Variants in RASAL1 observed in about 807,000 individuals in gnomAD.
RASAL1 encodes RAS protein activator like 1.
A neutral mutation model predicts 96.6 loss-of-function variants in RASAL1; 72 were observed. The observed-to-expected ratio is 0.75, with a 90% confidence interval of 0.62 to 0.91. The LOEUF (loss-of-function observed/expected upper bound fraction) is 0.91. RASAL1 is among the 40% of genes least tolerant of loss of function. The pLI, the probability that RASAL1 is intolerant of heterozygous loss-of-function variation, is 0.00. For synonymous variants in RASAL1, 405 were observed against 430.4 expected, an observed-to-expected ratio of 0.94 and a Z score of 0.73; for missense variants, 1,016 against 1,072.5, an observed-to-expected ratio of 0.95 and a Z score of 0.74.
Position 113,135,366 on chromosome 12 carries a change from C to T in RASAL1, c.65+32G>A. ...CGGCCCCACCCCAGGCCTTGCGCGCCCCTCACCCAGAAGCGCCCGAGGAGT... is the reference window on the plus strand; with the variant it reads ...CGGCCCCACCCCAGGCCTTGCGCGCTCCTCACCCAGAAGCGCCCGAGGAGT... On this transcript the variant is annotated intron_variant, in intron 1 of 20. Coordinates refer to ENST00000548055, the MANE Select transcript of RASAL1 (RefSeq NM_001301202.2). The surrounding 1 kb of genome is among the most constrained non-coding windows in gnomAD (Gnocchi z 5.7). 3 of 1,593,378 alleles carry T rather than the reference C, an allele frequency of 1.9e-6. No homozygotes were observed. The highest frequency in any genetic ancestry group is 1.7e-6 in the Non-Finnish European group (2 of 1,170,524).
chr12:113,127,516 G>C (rs1033595005), intron 4 of RASAL1, among the ~76,000 whole-genome samples: 3 of 152,060 alleles, frequency 2.0e-5, no homozygotes, highest in African/African-American at 4.8e-5. Context: ...TGGGTGTGGT[G>C]GTGTGCACCT....
At position 113,119,248 on chromosome 12, in the gene RASAL1, C is replaced by T; in HGVS notation, c.522G>A (p.Lys174=). 6.2e-7 allele frequency: 1 copy of T among 1,613,304 alleles called. No homozygotes were observed. The highest frequency in any genetic ancestry group is 8.5e-7 in the Non-Finnish European group (1 of 1,179,328). Residue 174 remains lysine, a synonymous_variant, in exon 7 of 21, where the codon AAG becomes AAA. Coordinates refer to ENST00000548055, the MANE Select transcript of RASAL1 (RefSeq NM_001301202.2). The part of the protein sequence containing the change: ...SQSLETSTIK[K]TRFPHWDEVL... ...CTTCATCCCAGTGCGGGAAGCGAGTCTTCTTGATGGTCTGAGGGCGAAGGA... is the reference window on the plus strand; with the variant it reads ...CTTCATCCCAGTGCGGGAAGCGAGTTTTCTTGATGGTCTGAGGGCGAAGGA...
Position 113,103,995 on chromosome 12 carries a change from A to G in RASAL1, c.2055T>C (p.Gly685=). The change falls in exon 18 of 21, where the codon GGT becomes GGC. Residue 685 remains glycine, a synonymous_variant. Transcript: ENST00000548055. ...AGGTCCAGCGCGCGCTGCGGAAGGC[A>G]CCGGGGTGGCAGGCGGCCAGCTTGT... The part of the protein sequence containing the change: ...NPNKLAACHP[G]AFRSARWTCC... The G allele has an allele frequency of 6.4e-7, 1 of 1,571,056 alleles. No individual in the cohort carries two copies.
At chr12:113,117,814 T>G (rs928755044) in intron 7 of RASAL1, among the ~76,000 whole-genome samples, 1 of 152,208 alleles carries the variant, frequency 6.6e-6, no homozygotes, top group African/African-American at 2.4e-5. Context: ...GAATCATATG[T>G]GTTTTGCAGG....
At chr12:113,103,261 A>AATACATTGTTATACATTGTAT (rs1371806518) in intron 18 of RASAL1, among the ~76,000 whole-genome samples, 294 of 149,964 alleles carry the variant, frequency 2.0e-3, no homozygotes, top group Non-Finnish European at 3.7e-3. Flanking sequence ...TATACATTGT[A>AATACATTGTTATACATTGTAT]ATACATTGTT....
rs1485371782 is a variant in RASAL1, at chr12:113,100,179, T to G, written c.2279-111A>C. On this transcript the variant is annotated intron_variant, in intron 20 of 20. Transcript: ENST00000548055. ...GATGTGCCTTGTGCCCTGAGAACCC[T>G]AAAATCCTTGAGAATCCCCACACAC... The G allele has an allele frequency of 2.4e-6, 3 of 1,271,412 alleles. No individual in the cohort carries two copies. In the South Asian group the frequency reaches 5.0e-5, roughly 21 times the overall value. 78.8% of individuals were successfully genotyped at this position (1,271,412 alleles called of 1,614,324 possible). A position where few individuals can be genotyped will look rare whatever the true frequency, so the allele number is the denominator to read the frequency against.
At chr12:113,123,641 T>C (rs1179521186) in intron 4 of RASAL1, among the ~76,000 whole-genome samples, 1 of 152,192 alleles carries the variant, frequency 6.6e-6, no homozygotes, top group African/African-American at 2.4e-5. Flanking sequence ...TGGAGTGCAA[T>C]GGTGCAATCT....
At position 113,119,431 on chromosome 12, in the gene RASAL1, G is replaced by A; in HGVS notation, c.441C>T (p.Pro147=). The A allele has an allele frequency of 6.2e-7, 1 of 1,605,408 alleles. No homozygotes were observed. The highest frequency in any genetic ancestry group is 1.1e-5 in the South Asian group (1 of 89,736). The change falls in exon 6 of 21, where the codon CCC becomes CCT. Residue 147 remains proline (P), a synonymous_variant. Coordinates refer to ENST00000548055, the MANE Select transcript of RASAL1 (RefSeq NM_001301202.2). ...GGTCAGATGTGCCAGAGATGTCTCT[G>A]GGAGCCAGGTCCCTGGGAACAGATG... is the stretch of plus-strand genomic sequence containing the variant. ...CHVLQARDLA[P]RDISGTSDPF...
rs954062503 is a variant in RASAL1, at chr12:113,115,386, ACC to A, written c.1004-124_1004-123del. 1 of 1,081,308 alleles carries A rather than the reference ACC, an allele frequency of 9.2e-7. No individual in the cohort carries two copies. The highest frequency in any genetic ancestry group is 1.4e-6 in the Non-Finnish European group (1 of 707,304). 67.0% of individuals were successfully genotyped at this position (1,081,308 alleles called of 1,614,324 possible). Reference sequence around the variant, plus strand: ...AGAATCAGGAAGACCCAAAACATCAACCCCATTCACAGTACAGAGGCCCGGAG... The same window carrying A: ...AGAATCAGGAAGACCCAAAACATCAACCATTCACAGTACAGAGGCCCGGAG... On this transcript the variant is annotated intron_variant, in intron 10 of 20. Transcript: ENST00000548055. This position sits in a 1 kb window ranked among gnomAD's most constrained non-coding sequence, Gnocchi z 4.1.
intron 5 of RASAL1, among the ~76,000 whole-genome samples, chr12:113,120,343 A>G (rs1202578402): frequency 1.3e-5 from 2 of 152,196 alleles, no homozygotes; most frequent in Admixed American, 6.5e-5. Context: ...AAGGAAGACC[A>G]GGAGCCTCTG....
intron 18 of RASAL1, among the ~76,000 whole-genome samples, chr12:113,103,596 ACT>A (rs973726992): frequency 4.7e-5 from 7 of 149,568 alleles, no homozygotes; most frequent in African/African-American, 9.9e-5. Flanking sequence ...ATAGAGTGAG[ACT>A]CTGTCTCAAA....
At chr12:113,107,515 C>G (rs1323988591) in intron 14 of RASAL1, 1 of 561,668 alleles carries the variant, frequency 1.8e-6, no homozygotes, top group Non-Finnish European at 3.4e-6. Flanking sequence ...TCCAGCTACT[C>G]CAGAAGCTGA....
intron 14 of RASAL1, 68 bp from the exon 15 acceptor site, chr12:113,107,309 CA>C (rs1950683742): frequency 1.8e-5 from 27 of 1,465,980 alleles, no homozygotes; most frequent in Admixed American, 2.5e-5. Flanking sequence ...TCCTGGCTCC[CA>C]AATCAGTGCT....
At chr12:113,103,730 C>T in intron 18 of RASAL1, 1 of 647,562 alleles carries the variant, frequency 1.5e-6, no homozygotes. Flanking sequence ...ATACGCCAAG[C>T]AGCGTCCTAT....
chr12:113,116,998 G>A (rs1045928326), intron 8 of RASAL1, 75 bp downstream of exon 8: 3 of 1,227,144 alleles, frequency 2.4e-6, no homozygotes, highest in African/African-American at 3.1e-5. Flanking sequence ...GGGCTGGCAT[G>A]GGCTCTGCCC....
chr12:113,117,247 C>T, intron 7 of RASAL1, 86 bp from the exon 8 acceptor site: 1 of 997,146 alleles, frequency 1.0e-6, no homozygotes, highest in Non-Finnish European at 1.4e-6. Flanking sequence ...CCTGGAAGAA[C>T]AGACTGCCCA....
chr12:113,119,467 T>A (rs751105620), intron 5 of RASAL1, 24 bp from the exon 6 acceptor site: 4 of 1,585,914 alleles, frequency 2.5e-6, no homozygotes, highest in Non-Finnish European at 2.6e-6. Context: ...GGGAAAGGAG[T>A]GAGGAAACAC....
rs78729431 is a variant in RASAL1, at chr12:113,119,267, C to T, written c.511-8G>A. The T allele has an allele frequency of 0.016, 25,481 of 1,612,090 alleles. 239 individuals carry two copies. The highest frequency in any genetic ancestry group is 0.019 in the Non-Finnish European group (22,171 of 1,178,320). Reference sequence around the variant, plus strand: ...GCGAGTCTTCTTGATGGTCTGAGGGCGAAGGAAGTGGTCTGTGAGTGGGAG... The same window carrying T: ...GCGAGTCTTCTTGATGGTCTGAGGGTGAAGGAAGTGGTCTGTGAGTGGGAG... On this transcript the variant is annotated splice_region_variant and splice_polypyrimidine_tract_variant and intron_variant, in intron 6 of 20. Transcript: ENST00000548055.
intron 8 of RASAL1, 69 bp from the exon 9 acceptor site, chr12:113,116,120 A>G: frequency 7.2e-7 from 1 of 1,384,366 alleles, no homozygotes; most frequent in South Asian, 1.5e-5. Context: ...CTGTAATCCC[A>G]GCATTTTGGG....
Sources: allele counts gnomAD v4.1 joint callset (sites outside exome capture counted in the v4.1 genomes callset), GRCh38; gene constraint gnomAD v4.1.1; non-coding constraint Gnocchi (gnomAD v3.1); transcripts MANE v1.5; gene names NCBI Gene and HGNC (gene_info 2026-07-23, HGNC 2026-07-21).